ZNF148: variants seen among roughly 807,000 people sequenced by gnomAD.
ZNF148 encodes the protein Beta-Enolase Repressor Factor-1.
In ZNF148, 7 loss-of-function variants were observed where a neutral mutation model predicts 67.7. The ratio of observed to expected loss-of-function variants is 0.10; its 90% CI spans 0.06 to 0.19. The LOEUF is 0.19. Ranked by LOEUF, ZNF148 falls within the 10% of genes least tolerant of loss-of-function variation. The pLI, the probability that ZNF148 is intolerant of heterozygous loss-of-function variation, is 1.00. For synonymous variants in ZNF148, 333 were observed against 330.7 expected (o/e 1.01, Z -0.08); for missense variants, 583 against 947.1 (o/e 0.62, Z 5.05).
intron 2 of ZNF148, among the ~76,000 whole-genome samples, chr3:125,325,140 A>C (rs1940964519): frequency 6.6e-6 from 1 of 152,194 alleles, no homozygotes; most frequent in African/African-American, 2.4e-5. Flanking sequence ...TGCAATCAAC[A>C]AATAAGAGAT....
At chr3:125,314,214 T>C (rs185453166) in intron 3 of ZNF148, among the ~76,000 whole-genome samples, 2 of 152,258 alleles carry the variant, frequency 1.3e-5, no homozygotes, top group African/African-American at 2.4e-5. Flanking sequence ...ACTCATCTAC[T>C]GATAATAAAA....
intron 7 of ZNF148, among the ~76,000 whole-genome samples, chr3:125,262,992 AT>A (rs1248077769): frequency 1.3e-5 from 2 of 152,110 alleles, no homozygotes; most frequent in African/African-American, 2.4e-5. Flanking sequence ...TTCCACATGT[AT>A]TTTTTTTCCC....
At chr3:125,326,344 T>C (rs1285479277) in intron 2 of ZNF148, among the ~76,000 whole-genome samples, 1 of 152,122 alleles carries the variant, frequency 6.6e-6, no homozygotes, top group Non-Finnish European at 1.5e-5. Context: ...GTTTATAATA[T>C]ATACAGATGT....
chr3:125,228,119 C>A lies in ZNF148; in HGVS notation c.*4222G>T, dbSNP rs1935711344. ...GAGAACTATCTATTTCACAATGGAGCTGAAGTCACCTCAAAACTTACGGGC... is the reference window on the plus strand; with the variant it reads ...GAGAACTATCTATTTCACAATGGAGATGAAGTCACCTCAAAACTTACGGGC... On this transcript the variant is annotated 3_prime_UTR_variant, in exon 9 of 9. Transcript: ENST00000360647. The A allele has an allele frequency of 6.6e-6, 1 of 152,526 alleles. No individual in the cohort carries two copies. Among genetic ancestry groups the A allele is most frequent in the South Asian group, 2.1e-4 (1 of 4,832 alleles). 9.4% of individuals were successfully genotyped at this position (152,526 alleles called of 1,614,324 possible).
chr3:125,277,932 A>C, intron 6 of ZNF148, 123 bp from the exon 7 acceptor site: 1 of 637,142 alleles, frequency 1.6e-6, no homozygotes, highest in South Asian at 2.8e-5. Context: ...TAGCCATACA[A>C]ATTTTTAATG....
At chr3:125,351,401 A>AAAAAAAAAC (rs1942148299) in intron 1 of ZNF148, among the ~76,000 whole-genome samples, 1 of 150,902 alleles carries the variant, frequency 6.6e-6, no homozygotes, top group Non-Finnish European at 1.5e-5. Context: ...AAAAAAAAAA[A>AAAAAAAAAC]AAAAGCGCAG....
rs1336123662 is a variant in ZNF148 at position 125,232,525 on chromosome 3, C to T, written c.2201G>A (p.Arg734His). 5.0e-6 allele frequency: 8 copies of T among 1,613,554 alleles called. No individual in the cohort carries two copies. The highest frequency in any genetic ancestry group is 4.2e-6 in the Non-Finnish European group (5 of 1,179,702). ...YQMSSFEQPF[R>H]APYHGSRAGI... ...AGCTCTTGATCCATGATAGGGAGCA[C>T]GGAAGGGCTGTTCAAAGGAGCTCAT... Residue 734 changes from arginine to histidine, a missense_variant, in exon 9 of 9, where the codon CGT becomes CAT. By Grantham distance (29) the Arg-to-His change is conservative. This residue lies in a region of ZNF148 where 158 missense variants were observed against 208.4 expected (regional missense o/e 0.76). Transcript: ENST00000360647. The surrounding 1 kb of genome is among the most constrained non-coding windows in gnomAD (Gnocchi z 4.2).
At chr3:125,297,989 C>T (rs753738594) in intron 4 of ZNF148, among the ~76,000 whole-genome samples, 1 of 152,062 alleles carries the variant, frequency 6.6e-6, no homozygotes, top group Non-Finnish European at 1.5e-5. Flanking sequence ...ATGAAATTCA[C>T]CCAACTGATG....
intron 7 of ZNF148, among the ~76,000 whole-genome samples, chr3:125,248,064 T>C (rs1936680872): frequency 6.6e-6 from 1 of 152,138 alleles, no homozygotes; most frequent in Non-Finnish European, 1.5e-5. Flanking sequence ...TAATTGATGT[T>C]CCAATGATGG....
At chr3:125,234,755 TTAAA>T (rs1335448483) in intron 7 of ZNF148, among the ~76,000 whole-genome samples, 1 of 152,202 alleles carries the variant, frequency 6.6e-6, no homozygotes, top group Non-Finnish European at 1.5e-5. Context: ...ACATTTGTGG[TTAAA>T]TAAAATCTGA....
At chr3:125,360,625 C>T (rs1942506298) in intron 1 of ZNF148, among the ~76,000 whole-genome samples, 1 of 151,944 alleles carries the variant, frequency 6.6e-6, no homozygotes, top group African/African-American at 2.4e-5. Context: ...TCTTTTGTTT[C>T]CAATGTCTCA....
In ZNF148 at chr3:125,324,800, T is replaced by A. The variant is rs547333856; in HGVS notation, c.-152-1356A>T. ...GAAAGTATAATATTAATTCATTTTT[T>A]AAAAAACATTTCAACAGTTTATATA... On this transcript the variant is annotated intron_variant, in intron 2 of 8. Coordinates refer to ENST00000360647, the MANE Select transcript of ZNF148 (RefSeq NM_021964.3). 6.6e-5 allele frequency among the ~76,000 whole-genome samples: 10 copies of A among 152,332 alleles called. No individual in the cohort carries two copies. The East Asian group carries it at 1.9e-3, about 29-fold the overall frequency.
At chr3:125,243,450 TCAAA>T (rs1936456439) in intron 7 of ZNF148, among the ~76,000 whole-genome samples, 1 of 152,216 alleles carries the variant, frequency 6.6e-6, no homozygotes, top group Admixed American at 6.5e-5. Flanking sequence ...TCCACTATTC[TCAAA>T]CAATTAAAAA....
intron 3 of ZNF148, 111 bp downstream of exon 3, chr3:125,323,198 T>C (rs1940859704): frequency 5.0e-6 from 2 of 400,536 alleles, no homozygotes; most frequent in East Asian, 7.4e-5. Flanking sequence ...ACCAAAACTT[T>C]AAGAAACTAT....
At chr3:125,283,529 T>C (rs1178139342) in intron 5 of ZNF148, among the ~76,000 whole-genome samples, 3 of 152,124 alleles carry the variant, frequency 2.0e-5, no homozygotes, top group Admixed American at 6.6e-5. Context: ...TTCAGTTCTA[T>C]GGAAAAACAA....
intron 7 of ZNF148, among the ~76,000 whole-genome samples, chr3:125,261,324 CATT>C (rs1201182129): frequency 6.6e-6 from 1 of 152,140 alleles, no homozygotes; most frequent in African/African-American, 2.4e-5. Flanking sequence ...TTCCAGAAGT[CATT>C]ATGGGCCCTC....
chr3:125,292,291 C>T (rs543676250), intron 4 of ZNF148, among the ~76,000 whole-genome samples: 1 of 152,316 alleles, frequency 6.6e-6, no homozygotes, highest in South Asian at 2.1e-4. Flanking sequence ...AAGTCCACAG[C>T]TATCCTTTGA....
Position 125,233,408 on chromosome 3 carries a change from C to G in ZNF148, c.1318G>C (p.Gly440Arg), listed in dbSNP as rs1159766867. ...VDKQALLDSE[G>R]NADIDQVDNL... ...TCAACCTGATCAATGTCAGCATTGC[C>G]TTCTGAGTCCAGTAAAGCCTGTTTA... The change falls in exon 9 of 9, where the codon GGC (glycine) becomes CGC (arginine). Residue 440 changes from glycine (G) to arginine (R), a missense_variant. Gly to Arg is a moderately radical substitution (Grantham distance 125). Coordinates refer to ENST00000360647, the MANE Select transcript of ZNF148 (RefSeq NM_021964.3). The surrounding 1 kb of genome is among the most constrained non-coding windows in gnomAD (Gnocchi z 5.1). The G allele has an allele frequency of 1.2e-6, 2 of 1,613,864 alleles. No homozygotes were observed. The highest frequency in any genetic ancestry group is 2.7e-5 in the African/African-American group (2 of 74,910).
intron 1 of ZNF148, among the ~76,000 whole-genome samples, chr3:125,339,224 G>C (rs1384712798): frequency 6.6e-6 from 1 of 152,038 alleles, no homozygotes; most frequent in East Asian, 1.9e-4. Context: ...TTCTTATTTT[G>C]GGCCAATTTA....
Sources: allele counts gnomAD v4.1 joint callset (sites outside exome capture counted in the v4.1 genomes callset), GRCh38; gene constraint gnomAD v4.1.1; regional missense constraint gnomAD v4.1.1; non-coding constraint Gnocchi (gnomAD v3.1); transcripts MANE v1.5; gene names NCBI Gene and HGNC (gene_info 2026-07-23, HGNC 2026-07-21).